KRCC1: variants seen among roughly 807,000 people sequenced by gnomAD.
KRCC1 encodes lysine rich coiled-coil 1.
In KRCC1, 3 loss-of-function variants were observed where a neutral mutation model predicts 7.4. The ratio of observed to expected loss-of-function variants is 0.40; its 90% CI spans 0.18 to 1.04. KRCC1 has a LOEUF of 1.04. Among genes scored for constraint, KRCC1 ranks in the 50% least tolerant of loss-of-function variants. KRCC1 has a pLI of 0.33. For missense variants in KRCC1, 277 were observed against 300.9 expected, an observed-to-expected ratio of 0.92 and a Z score of 0.59; for synonymous variants, 102 against 101.6, an observed-to-expected ratio of 1.00 and a Z score of -0.02.
Position 88,051,156 on chromosome 2 carries a change from G to C in KRCC1, c.-291+4470C>G, listed in dbSNP as rs117959091. On this transcript the variant is annotated intron_variant, in intron 1 of 3. Transcript: ENST00000347055. ...GCCCAAGCTGATTTCAAACTCCTGG[G>C]CTCAAGCAATCCTCTGGCCTTGACC... 7.8e-4 allele frequency among the ~76,000 whole-genome samples: 119 copies of C among 151,974 alleles called. 2 individuals are homozygous for C. The East Asian group carries it at 0.018, about 22-fold the overall frequency.
At chr2:88,046,899 T>G (rs540082114) in intron 1 of KRCC1, among the ~76,000 whole-genome samples, 2 of 152,136 alleles carry the variant, frequency 1.3e-5, no homozygotes, top group East Asian at 3.9e-4. Flanking sequence ...GTCTCGAACC[T>G]CTGGGCTGAA....
intron 1 of KRCC1, among the ~76,000 whole-genome samples, chr2:88,040,400 T>C (rs931361528): frequency 1.2e-4 from 18 of 152,224 alleles, no homozygotes; most frequent in African/African-American, 4.3e-4. Flanking sequence ...TTTTGGACTT[T>C]ATTAAACTTT....
intron 1 of KRCC1, among the ~76,000 whole-genome samples, chr2:88,045,225 A>G (rs1673303913): frequency 6.6e-6 from 1 of 152,164 alleles, no homozygotes; most frequent in Middle Eastern, 3.2e-3. Context: ...TGACCTAGCC[A>G]TTCTACAACT....
chr2:88,035,976 A>C (rs547644376), intron 2 of KRCC1, among the ~76,000 whole-genome samples: 1 of 152,292 alleles, frequency 6.6e-6, no homozygotes, highest in East Asian at 1.9e-4. Flanking sequence ...CTCAGCAATT[A>C]ATGGTGGAGT....
chr2:88,037,464 A>AT (rs949403669), intron 1 of KRCC1, among the ~76,000 whole-genome samples: 67 of 150,490 alleles, frequency 4.5e-4, no homozygotes, highest in Admixed American at 1.3e-3. Flanking sequence ...AACCATCTTT[A>AT]TTTTTTTTTT....
chr2:88,039,807 G>T (rs774814535), intron 1 of KRCC1, among the ~76,000 whole-genome samples: 4 of 152,082 alleles, frequency 2.6e-5, no homozygotes, highest in Non-Finnish European at 5.9e-5. Context: ...AAGGTTTTCA[G>T]AACTTCCCTT....
intron 2 of KRCC1, among the ~76,000 whole-genome samples, chr2:88,036,387 T>C (rs1446183000): frequency 1.3e-5 from 2 of 152,230 alleles, no homozygotes; most frequent in Non-Finnish European, 2.9e-5. Flanking sequence ...ATCTCATTTA[T>C]TGGCTTAGTC....
chr2:88,040,813 T>C (rs982754479), intron 1 of KRCC1, among the ~76,000 whole-genome samples: 1 of 152,046 alleles, frequency 6.6e-6, no homozygotes, highest in African/African-American at 2.4e-5. Flanking sequence ...GAAGGTATAA[T>C]GTGTTCTTGG....
chr2:88,049,729 C>A (rs1229528934), intron 1 of KRCC1, among the ~76,000 whole-genome samples: 1 of 152,212 alleles, frequency 6.6e-6, no homozygotes, highest in African/African-American at 2.4e-5. Flanking sequence ...AGGGGCAATT[C>A]TTAGTCATTT....
intron 1 of KRCC1, among the ~76,000 whole-genome samples, chr2:88,054,545 T>C (rs1234774756): frequency 1.3e-5 from 2 of 152,168 alleles, no homozygotes; most frequent in Non-Finnish European, 2.9e-5. Flanking sequence ...TAGTATTTTA[T>C]CTTAGATAAT....
In KRCC1 at chr2:88,051,270, C is replaced by T. The variant is rs140502548; in HGVS notation, c.-291+4356G>A. Among the ~76,000 whole-genome samples the T allele has an allele frequency of 2.2e-4, 34 of 152,190 alleles. No individual in the cohort carries two copies. The East Asian group carries it at 6.6e-3, about 29-fold the overall frequency. On this transcript the variant is annotated intron_variant, in intron 1 of 3. Coordinates refer to ENST00000347055, the MANE Select transcript of KRCC1 (RefSeq NM_016618.3). The stretch of plus-strand genomic sequence containing the variant: ...TACTGATATTTGCTCTTTATCCAGA[C>T]CAATACAGAGGAGTTCCTCAGAAGG...
chr2:88,038,627 A>AT, intron 1 of KRCC1, among the ~76,000 whole-genome samples: 1 of 152,360 alleles, frequency 6.6e-6, no homozygotes, highest in South Asian at 2.1e-4. Context: ...TGGGTAATTT[A>AT]TAAAGGAAAA....
chr2:88,035,367 A>C (rs965824553), intron 2 of KRCC1, among the ~76,000 whole-genome samples: 1 of 152,200 alleles, frequency 6.6e-6, no homozygotes. Flanking sequence ...AATAAGAAGA[A>C]AGCTGAAGTG....
At chr2:88,029,226 A>G (rs1269932747) in intron 3 of KRCC1, among the ~76,000 whole-genome samples, 1 of 152,186 alleles carries the variant, frequency 6.6e-6, no homozygotes, top group African/African-American at 2.4e-5. Context: ...TGGGTGGCTG[A>G]TATTAATGTT....
At chr2:88,048,274 G>A (rs907961172) in intron 1 of KRCC1, among the ~76,000 whole-genome samples, 12 of 151,954 alleles carry the variant, frequency 7.9e-5, no homozygotes, top group African/African-American at 2.7e-4. Flanking sequence ...TAGAGACAGG[G>A]TTTCACCATG....
chr2:88,029,001 A>G (rs1395069168), intron 3 of KRCC1, among the ~76,000 whole-genome samples: 1 of 152,208 alleles, frequency 6.6e-6, no homozygotes, highest in Non-Finnish European at 1.5e-5. Flanking sequence ...CAAACAAATT[A>G]CAACCTATTT....
chr2:88,050,500 G>C (rs1183942898), intron 1 of KRCC1, among the ~76,000 whole-genome samples: 1 of 152,210 alleles, frequency 6.6e-6, no homozygotes, highest in Non-Finnish European at 1.5e-5. Context: ...GTGCATGCCT[G>C]TAATCCCAGC....
At chr2:88,044,805 C>T (rs890059962) in intron 1 of KRCC1, among the ~76,000 whole-genome samples, 7 of 151,740 alleles carry the variant, frequency 4.6e-5, no homozygotes, top group Admixed American at 4.6e-4. Context: ...ACTAGAACTC[C>T]CATACATTGC....
In KRCC1 at chr2:88,027,914, C is replaced by T. The variant is rs1359297122; in HGVS notation, c.650G>A (p.Arg217Gln). Residue 217 changes from arginine to glutamine, a missense_variant, in exon 4 of 4, where the codon CGA (arginine) becomes CAA (glutamine). Arg to Gln is a conservative substitution (Grantham distance 43, BLOSUM62 1). Transcript: ENST00000347055. ...TACATCTCGGCTTTTTTTCTCCTTT[C>T]GATTCTTAAGCTTTTCTGTACTGAC... is the stretch of plus-strand genomic sequence containing the variant. Reference protein sequence around the residue: ...VHVSTEKLKNRKEKKSRDVVS... With the variant: ...VHVSTEKLKNQKEKKSRDVVS... 13 of 1,613,498 alleles carry T rather than the reference C, an allele frequency of 8.1e-6. No individual in the cohort carries two copies. Among genetic ancestry groups the T allele is most frequent in the African/African-American group, 6.7e-5 (5 of 74,752 alleles).
Sources: gnomAD v4.1 joint callset for allele counts (sites outside exome capture counted in the v4.1 genomes callset) on GRCh38, gnomAD v4.1.1 for gene constraint, MANE v1.5 for transcripts, NCBI Gene and HGNC (gene_info 2026-07-23, HGNC 2026-07-21) for gene names.